Variants in EML2 observed in about 807,000 individuals in gnomAD.
The protein encoded by EML2 is echinoderm microtubule-associated protein-like 2.
A neutral mutation model predicts 84.7 loss-of-function variants in EML2; 59 were observed. The ratio of observed to expected loss-of-function variants is 0.70; its 90% confidence interval spans 0.56 to 0.86. The LOEUF is 0.86. Ranked by LOEUF, EML2 falls within the 40% of genes least tolerant of loss-of-function variation. The pLI is 0.00. For missense variants in EML2, 818 were observed against 855.6 expected (o/e 0.96, Z 0.55); for synonymous variants, 352 against 348.9 (o/e 1.01, Z -0.10).
intron 6 of EML2, among the ~76,000 whole-genome samples, chr19:45,631,826 C>A (rs751942735): frequency 6.6e-6 from 1 of 151,686 alleles, no homozygotes; most frequent in Non-Finnish European, 1.5e-5. Flanking sequence ...CCACCTCAAC[C>A]TCCCAAGTAT....
rs762909126 is a variant in EML2 at position 45,621,573 on chromosome 19, G to C, written c.906C>G (p.Ala302=). The change falls in exon 10 of 19, where the codon GCC becomes GCG. Residue 302 remains alanine, a synonymous_variant. Transcript: ENST00000245925. ...CAGACACCAGCGTCCCGTCCCGCAGGGCGCAGAGCCCAAACACGCCGCCGT... is the reference window on the plus strand; with the variant it reads ...CAGACACCAGCGTCCCGTCCCGCAGCGCGCAGAGCCCAAACACGCCGCCGT... ...AHDGGVFGLC[A]LRDGTLVSGG... is the part of the protein sequence containing the mutation. 1 of 1,612,438 alleles carries C rather than the reference G, an allele frequency of 6.2e-7. No individual in the cohort carries two copies. The highest frequency in any genetic ancestry group is 8.5e-7 in the Non-Finnish European group (1 of 1,179,938).
chr19:45,645,394 C>A, upstream of EML2: 2 of 1,497,900 alleles, frequency 1.3e-6, no homozygotes, highest in Non-Finnish European at 1.8e-6. Context: ...CCCGGTCCCC[C>A]CAACCAGGCC....
chr19:45,634,533 T>C, intron 3 of EML2, 62 bp from the exon 4 acceptor site: 1 of 1,216,038 alleles, frequency 8.2e-7, no homozygotes, highest in Non-Finnish European at 1.1e-6. Flanking sequence ...TTTGTTTTGT[T>C]TTTATTTATT....
At chr19:45,639,255 T>C in intron 1 of EML2, 102 bp downstream of exon 1, 1 of 1,158,904 alleles carries the variant, frequency 8.6e-7, no homozygotes. Flanking sequence ...GGAAGGGGCG[T>C]GTCCCCACGC....
chr19:45,630,560 A>AT (rs941772952), intron 6 of EML2, among the ~76,000 whole-genome samples: 1 of 151,740 alleles, frequency 6.6e-6, no homozygotes, highest in African/African-American at 2.4e-5. Context: ...TCAAAAAAAA[A>AT]AAAAAAAAGA....
chr19:45,623,023 G>T (rs1233227747), intron 9 of EML2, among the ~76,000 whole-genome samples: 1 of 149,794 alleles, frequency 6.7e-6, no homozygotes, highest in Non-Finnish European at 1.5e-5. Flanking sequence ...CCCCAGCATG[G>T]GCGACAGAGC....
Position 45,634,422 on chromosome 19 carries a change from T to G in EML2, c.229A>C (p.Thr77Pro), listed in dbSNP as rs748097813. Residue 77 changes from threonine (T) to proline (P), a missense_variant, in exon 4 of 19, where the codon ACC becomes CCC. Coordinates refer to ENST00000245925, the MANE Select transcript of EML2 (RefSeq NM_012155.4). The stretch of plus-strand genomic sequence containing the variant: ...GCCACAAAGTACACTATCTCCCCGG[T>G]GGGCAGCAAATAAAGGTTGGCCCGG... ...DCRANLYLLPTGEIVYFVASV... is the reference protein window; with the variant it reads ...DCRANLYLLPPGEIVYFVASV... 6 of 1,614,022 alleles carry G rather than the reference T, an allele frequency of 3.7e-6. No homozygotes were observed. The South Asian group carries it at 6.6e-5, about 18-fold the overall frequency.
chr19:45,638,463 T>C (rs775702740), intron 3 of EML2, 42 bp downstream of exon 3: 5 of 1,612,980 alleles, frequency 3.1e-6, no homozygotes, highest in Non-Finnish European at 4.2e-6. Context: ...TATTTCCTCC[T>C]GGGGGGATGG....
At position 45,616,518 on chromosome 19, in the gene EML2, CA is replaced by C; in HGVS notation, c.1451del (p.Val484GlyfsTer64). 6 of 1,610,764 alleles carry C rather than the reference CA, an allele frequency of 3.7e-6. No homozygotes were observed. Among genetic ancestry groups the C allele is most frequent in the Non-Finnish European group, 5.1e-6 (6 of 1,177,820 alleles). ...YLAVGSHDNL[V>X]YVYTVDQGGR... ...CGCCCTGGTCCACCGTGTACACGTACACCAAGTTGTCGTGGGAGCCCACGGC... is the reference window on the plus strand; with the variant it reads ...CGCCCTGGTCCACCGTGTACACGTACCCAAGTTGTCGTGGGAGCCCACGGC... On this transcript the variant is annotated frameshift_variant, in exon 15 of 19. Coordinates refer to ENST00000245925, the MANE Select transcript of EML2 (RefSeq NM_012155.4). LOFTEE classifies it high-confidence loss of function.
chr19:45,616,158 C>G (rs1176471308), intron 15 of EML2: 1 of 532,164 alleles, frequency 1.9e-6, no homozygotes, highest in East Asian at 3.0e-5. Context: ...CACGGAGGAG[C>G]TGGCTTTGAA....
chr19:45,611,724 G>A lies in EML2; in HGVS notation c.1824+1817C>T, dbSNP rs150860886. On this transcript the variant is annotated intron_variant, in intron 18 of 18. Coordinates refer to ENST00000245925, the MANE Select transcript of EML2 (RefSeq NM_012155.4). Reference sequence around the variant, plus strand: ...GCTAGTCTCGAACTGTTGACCTCAGGTGATCCGCCTGCCTCGGCCTCCCAA... The same window carrying A: ...GCTAGTCTCGAACTGTTGACCTCAGATGATCCGCCTGCCTCGGCCTCCCAA... Among the ~76,000 whole-genome samples, 831 of 152,210 alleles carry A rather than the reference G, an allele frequency of 5.5e-3. 9 individuals carry two copies. The highest frequency in any genetic ancestry group is 0.019 in the African/African-American group (788 of 41,542).
intron 8 of EML2, among the ~76,000 whole-genome samples, chr19:45,626,033 T>C (rs1365754745): frequency 6.6e-6 from 1 of 151,992 alleles, no homozygotes; most frequent in African/African-American, 2.4e-5. Context: ...CGCACCACCA[T>C]GCCTGGCTAA....
intron 3 of EML2, among the ~76,000 whole-genome samples, chr19:45,637,888 G>A (rs755875179): frequency 6.6e-6 from 1 of 151,988 alleles, no homozygotes; most frequent in Non-Finnish European, 1.5e-5. Context: ...TATTGGTCAG[G>A]CTGGTCTCAA....
Position 45,609,510 on chromosome 19 carries a change from GATAA to G in EML2, c.*149_*152del, listed in dbSNP as rs1403789263. The G allele has an allele frequency of 2.4e-6, 2 of 848,960 alleles. No homozygotes were observed. The highest frequency in any genetic ancestry group is 4.1e-5 in the Admixed American group (1 of 24,150). 52.6% of individuals were successfully genotyped at this position (848,960 alleles called of 1,614,324 possible). ...CGATGTGACTCCCTCTTCCCACCCG[GATAA>G]ATAGAGACTTCTGTATGTCAGTCTA... On this transcript the variant is annotated 3_prime_UTR_variant, in exon 19 of 19. Transcript: ENST00000245925.
At chr19:45,636,418 T>TTTTG (rs774707332) in intron 3 of EML2, among the ~76,000 whole-genome samples, 1 of 152,196 alleles carries the variant, frequency 6.6e-6, no homozygotes, top group Non-Finnish European at 1.5e-5. Flanking sequence ...GGGCTGTTTT[T>TTTTG]TTTGTTTGTT....
intron 3 of EML2, among the ~76,000 whole-genome samples, chr19:45,638,239 G>A (rs1313675278): frequency 2.0e-5 from 3 of 152,216 alleles, no homozygotes; most frequent in Non-Finnish European, 4.4e-5. Flanking sequence ...GGCTGGACTG[G>A]GGTTTGAACC....
Position 45,616,469 on chromosome 19 carries a change from T to C in EML2, c.1501A>G (p.Lys501Glu). Residue 501 changes from lysine to glutamate, a missense_variant, in exon 15 of 19, where the codon AAG becomes GAG. Lys to Glu is a moderately conservative substitution (Grantham distance 56). Transcript: ENST00000245925. ...QGGRKVSRLG[K>E]CSGHSSFITH... ...GGCCACTGCCCACTCACCGAGCACT[T>C]GCCCAGGCGGCTGACCTTGCGGCCG... 1 of 1,588,124 alleles carries C rather than the reference T, an allele frequency of 6.3e-7. No homozygotes were observed. Among genetic ancestry groups the C allele is most frequent in the South Asian group, 1.1e-5 (1 of 89,918 alleles).
intron 7 of EML2, among the ~76,000 whole-genome samples, chr19:45,629,535 G>T (rs1044042550): frequency 6.6e-6 from 1 of 151,822 alleles, no homozygotes; most frequent in African/African-American, 2.4e-5. Context: ...TGTTGGTCAG[G>T]CTGGTCTCGA....
chr19:45,638,426 A>G, intron 3 of EML2, 79 bp downstream of exon 3: 1 of 1,597,712 alleles, frequency 6.3e-7, no homozygotes, highest in Non-Finnish European at 8.5e-7. Flanking sequence ...CTGAGATTAC[A>G]GGCCTGAGCT....
Sources: gnomAD v4.1 joint callset for allele counts (sites outside exome capture counted in the v4.1 genomes callset) on GRCh38, gnomAD v4.1.1 for gene constraint, MANE v1.5 for transcripts, NCBI Gene and HGNC (gene_info 2026-07-23, HGNC 2026-07-21) for gene names.